NUP93: variants seen among roughly 807,000 people sequenced by gnomAD.
NUP93 encodes the protein nucleoporin 93.
Under a neutral mutation model 107.8 loss-of-function variants are expected in NUP93, and 55 were observed. The observed-to-expected ratio is 0.51, with a 90% confidence interval of 0.41 to 0.64. NUP93 has a LOEUF of 0.64. Ranked by LOEUF, NUP93 falls within the 30% of genes least tolerant of loss-of-function variation. NUP93 has a pLI of 0.00. For missense variants in NUP93, 937 were observed against 1,044.7 expected (o/e 0.90, Z 1.42); for synonymous variants, 390 against 397.5 (o/e 0.98, Z 0.22).
intron 4 of NUP93, among the ~76,000 whole-genome samples, chr16:56,803,013 C>CT (rs1963055146): frequency 6.6e-6 from 1 of 151,816 alleles, no homozygotes; most frequent in Admixed American, 6.6e-5. Flanking sequence ...TTCTGAATGC[C>CT]TTTATTTTCG....
At chr16:56,784,400 A>T (rs1359752580) in intron 3 of NUP93, among the ~76,000 whole-genome samples, 1 of 152,228 alleles carries the variant, frequency 6.6e-6, no homozygotes, top group African/African-American at 2.4e-5. Context: ...AAAGATCAAT[A>T]GATTGAGGCT....
chr16:56,760,738 A>C (rs1054595510), intron 3 of NUP93, among the ~76,000 whole-genome samples: 19 of 152,180 alleles, frequency 1.2e-4, no homozygotes, highest in African/African-American at 4.6e-4. Context: ...ACAGTTCAAC[A>C]TGAGATTTGG....
intron 5 of NUP93, among the ~76,000 whole-genome samples, chr16:56,815,898 GGTGC>G (rs1567402643): frequency 7.9e-5 from 11 of 139,142 alleles, no homozygotes; most frequent in African/African-American, 2.6e-4. Flanking sequence ...TGCTGCTGCT[GGTGC>G]TGCTGCTGCT....
chr16:56,738,973 A>T (rs1400813698), intron 1 of NUP93, among the ~76,000 whole-genome samples: 2 of 132,332 alleles, frequency 1.5e-5, no homozygotes, highest in Non-Finnish European at 3.2e-5. Context: ...CACCGCCCTT[A>T]ATCCATTTAA....
intron 3 of NUP93, among the ~76,000 whole-genome samples, chr16:56,796,955 A>G (rs1962913313): frequency 6.9e-6 from 1 of 145,554 alleles, no homozygotes; most frequent in Non-Finnish European, 1.5e-5. Flanking sequence ...CTGGCAACAG[A>G]GCGAGACTCC....
At chr16:56,829,263 G>T (rs1369096323) in intron 9 of NUP93, among the ~76,000 whole-genome samples, 154 bp downstream of exon 9, 1 of 152,198 alleles carries the variant, frequency 6.6e-6, no homozygotes, top group Non-Finnish European at 1.5e-5. Flanking sequence ...CTCTTAGGAG[G>T]CTGATAGTAC....
intron 3 of NUP93, among the ~76,000 whole-genome samples, chr16:56,797,275 A>G (rs947996264): frequency 6.6e-5 from 10 of 152,354 alleles, no homozygotes; most frequent in African/African-American, 2.4e-4. Context: ...ACATGTATAA[A>G]TGCACCAGTA....
In NUP93 at chr16:56,819,759, T is replaced by C. The variant is rs1963506398; in HGVS notation, c.564+1021T>C. 2.6e-5 allele frequency among the ~76,000 whole-genome samples: 4 copies of C among 152,364 alleles called. No homozygotes were observed. The South Asian group carries it at 8.3e-4, about 32-fold the overall frequency. The stretch of plus-strand genomic sequence containing the variant: ...GAATTACCTGGTTAGCTGATGGTAT[T>C]ATCAGAAGTCCCTCTTTTACCCTTT... On this transcript the variant is annotated intron_variant, in intron 6 of 21. Coordinates refer to ENST00000308159, the MANE Select transcript of NUP93 (RefSeq NM_014669.5).
At chr16:56,779,517 G>A (rs1440196612) in intron 3 of NUP93, among the ~76,000 whole-genome samples, 1 of 152,204 alleles carries the variant, frequency 6.6e-6, no homozygotes, top group African/African-American at 2.4e-5. Context: ...AGTAAGTAGA[G>A]AAGCACCTCC....
In NUP93 at chr16:56,819,000, C is replaced by CAGTACAGTATTTGG. The variant is rs1963490983; in HGVS notation, c.564+262_564+263insAGTACAGTATTTGG. On this transcript the variant is annotated intron_variant, in intron 6 of 21. Coordinates refer to ENST00000308159, the MANE Select transcript of NUP93 (RefSeq NM_014669.5). ...CTCAGTATGCATTTTTGGCAATAGTCCCATGTACAGTAAAGCTTCAGGTAA... is the reference window on the plus strand; with the variant it reads ...CTCAGTATGCATTTTTGGCAATAGTCAGTACAGTATTTGGCCATGTACAGTAAAGCTTCAGGTAA... Among the ~76,000 whole-genome samples, 4 of 152,308 alleles carry CAGTACAGTATTTGG rather than the reference C, an allele frequency of 2.6e-5. No individual in the cohort carries two copies. The South Asian group carries it at 8.3e-4, about 32-fold the overall frequency.
chr16:56,797,348 C>T (rs1420041567), intron 3 of NUP93, among the ~76,000 whole-genome samples: 1 of 152,160 alleles, frequency 6.6e-6, no homozygotes, highest in Non-Finnish European at 1.5e-5. Context: ...AACTTGAGTT[C>T]TTCATATTAC....
intron 3 of NUP93, among the ~76,000 whole-genome samples, chr16:56,771,068 T>C (rs1411625029): frequency 6.6e-6 from 1 of 152,214 alleles, no homozygotes; most frequent in Non-Finnish European, 1.5e-5. Flanking sequence ...CTTACATCAT[T>C]TCATTGTCCC....
Position 56,833,189 on chromosome 16 carries a change from A to ATCTCC in NUP93, c.1346-11_1346-7dup, listed in dbSNP as rs749590224. 2.3e-5 allele frequency: 36 copies of ATCTCC among 1,560,386 alleles called. No individual in the cohort carries two copies. The highest frequency in any genetic ancestry group is 2.9e-5 in the Non-Finnish European group (34 of 1,158,650). On this transcript the variant is annotated intron_variant, in intron 12 of 21. Transcript: ENST00000308159. Reference sequence around the variant, plus strand: ...AGCCCCTTCTTTCTAAGTTGGTTTTATCTCCTCTCCTCTCCTCTCTCCCAG... The same window carrying ATCTCC: ...AGCCCCTTCTTTCTAAGTTGGTTTTATCTCCTCTCCTCTCCTCTCCTCTCTCCCAG...
At chr16:56,825,378 TA>T (rs1963638128) in intron 8 of NUP93, among the ~76,000 whole-genome samples, 1 of 152,058 alleles carries the variant, frequency 6.6e-6, no homozygotes, top group Non-Finnish European at 1.5e-5. Context: ...CTAATTTTTG[TA>T]TTTTTAGTAG....
chr16:56,841,693 C>T lies in NUP93; in HGVS notation c.2221-12C>T, dbSNP rs776054225. 48 of 1,611,138 alleles carry T rather than the reference C, an allele frequency of 3.0e-5. No individual in the cohort carries two copies. Among genetic ancestry groups the T allele is most frequent in the Non-Finnish European group, 4.0e-5 (47 of 1,179,210 alleles). ...GGTTCTTTTTCTTTACTCTGTTTTT[C>T]TCTCTATGTAGATCAGGCACAACCT... On this transcript the variant is annotated splice_polypyrimidine_tract_variant and intron_variant, in intron 20 of 21. Transcript: ENST00000308159.
intron 3 of NUP93, among the ~76,000 whole-genome samples, chr16:56,785,256 C>G (rs1008039477): frequency 5.9e-5 from 9 of 152,110 alleles, no homozygotes; most frequent in South Asian, 2.1e-4. Context: ...TACAGTAAAA[C>G]TTTGTTGAAG....
intron 2 of NUP93, among the ~76,000 whole-genome samples, chr16:56,756,378 G>T (rs967077656): frequency 2.9e-5 from 4 of 136,652 alleles, no homozygotes; most frequent in African/African-American, 8.3e-5. Context: ...GCACTTATGA[G>T]TGAGAACATG....
chr16:56,745,094 G>T (rs1164007719), intron 1 of NUP93, among the ~76,000 whole-genome samples: 1 of 152,190 alleles, frequency 6.6e-6, no homozygotes, highest in Non-Finnish European at 1.5e-5. Context: ...AGGAGATGGG[G>T]GATTGCTGGG....
intron 5 of NUP93, 86 bp downstream of exon 5, chr16:56,805,718 A>G (rs756868994): frequency 5.4e-5 from 76 of 1,418,198 alleles, no homozygotes; most frequent in Non-Finnish European, 7.0e-5. Flanking sequence ...TTTTTGGCAC[A>G]GTGGATCACT....
Sources: gnomAD v4.1 joint callset for allele counts (sites outside exome capture counted in the v4.1 genomes callset) on GRCh38, gnomAD v4.1.1 for gene constraint, MANE v1.5 for transcripts, NCBI Gene and HGNC (gene_info 2026-07-23, HGNC 2026-07-21) for gene names.